NOL4: variants seen among roughly 807,000 people sequenced by gnomAD.
NOL4 encodes cancer/testis antigen 125.
NOL4 carries 17 observed loss-of-function variants against 75.9 expected under a neutral mutation model. The ratio of observed to expected loss-of-function variants is 0.22; its 90% confidence interval spans 0.15 to 0.34. The LOEUF is 0.34. Ranked by LOEUF, NOL4 falls within the 10% of genes least tolerant of loss-of-function variation. The pLI is 1.00. For missense variants in NOL4, 614 were observed against 793.5 expected (o/e 0.77, Z 2.72); for synonymous variants, 292 against 289.9 (o/e 1.01, Z -0.07).
chr18:34,009,031 T>C (rs988882683), intron 6 of NOL4, among the ~76,000 whole-genome samples: 2 of 151,934 alleles, frequency 1.3e-5, no homozygotes, highest in Non-Finnish European at 2.9e-5. Flanking sequence ...CCCTCATTCC[T>C]CATGGATCTT....
intron 9 of NOL4, among the ~76,000 whole-genome samples, chr18:33,894,329 A>G (rs2065272635): frequency 1.3e-5 from 2 of 152,150 alleles, no homozygotes; most frequent in Admixed American, 1.3e-4. Context: ...AACAAAACAC[A>G]CTCAGATACA....
At chr18:34,029,469 C>T (rs2075523406) in intron 5 of NOL4, among the ~76,000 whole-genome samples, 1 of 152,144 alleles carries the variant, frequency 6.6e-6, no homozygotes, top group South Asian at 2.1e-4. Context: ...GCCCAGGTTA[C>T]CTAATGTCAC....
chr18:33,993,096 G>A (rs1361765658), intron 6 of NOL4, among the ~76,000 whole-genome samples: 1 of 151,890 alleles, frequency 6.6e-6, no homozygotes, highest in Non-Finnish European at 1.5e-5. Flanking sequence ...ACAATTAGGA[G>A]GTGCCTTCCT....
At chr18:34,011,765 G>T (rs572155112) in intron 6 of NOL4, among the ~76,000 whole-genome samples, 1 of 151,618 alleles carries the variant, frequency 6.6e-6, no homozygotes, top group Non-Finnish European at 1.5e-5. Context: ...GGATAATGAC[G>T]GGTCAATTTT....
chr18:33,980,123 T>G (rs115824010), intron 6 of NOL4, among the ~76,000 whole-genome samples: 2,367 of 151,926 alleles, frequency 0.016, 64 homozygotes, highest in African/African-American at 0.054. Context: ...AGGTTCTAGG[T>G]CAGATTGCTA....
At chr18:33,953,696 T>A (rs953518207) in intron 8 of NOL4, among the ~76,000 whole-genome samples, 5 of 152,002 alleles carry the variant, frequency 3.3e-5, no homozygotes, top group Admixed American at 3.3e-4. Context: ...GTGGAGAAAA[T>A]AGGTGCTGGA....
Position 33,873,840 on chromosome 18 carries a change from A to G in NOL4, c.1723+9404T>C, listed in dbSNP as rs141207220. ...TAATGGACAGGTAAAATAATAAGAA[A>G]TACGCTTAGAATATCATGGGAACAT... On this transcript the variant is annotated intron_variant, in intron 10 of 10. Coordinates refer to ENST00000261592, the MANE Select transcript of NOL4 (RefSeq NM_003787.5). 4.8e-3 allele frequency among the ~76,000 whole-genome samples: 723 copies of G among 152,090 alleles called. 8 individuals carry two copies. Among genetic ancestry groups the G allele is most frequent in the African/African-American group, 0.017 (691 of 41,538 alleles).
intron 1 of NOL4, among the ~76,000 whole-genome samples, chr18:34,170,856 A>G (rs1239790575): frequency 6.6e-6 from 1 of 152,182 alleles, no homozygotes; most frequent in African/African-American, 2.4e-5. Context: ...AATTTCCCCT[A>G]TAATAGACCA....
intron 9 of NOL4, among the ~76,000 whole-genome samples, chr18:33,901,287 C>G (rs2065735836): frequency 6.6e-6 from 1 of 152,054 alleles, no homozygotes; most frequent in African/African-American, 2.4e-5. Context: ...ATGAAAACAG[C>G]TGAATCATCT....
chr18:33,933,645 A>G (rs1229926164), intron 9 of NOL4, among the ~76,000 whole-genome samples: 1 of 152,174 alleles, frequency 6.6e-6, no homozygotes, highest in Non-Finnish European at 1.5e-5. Context: ...ACGCTCAGCT[A>G]TAAAAAGCAA....
intron 5 of NOL4, among the ~76,000 whole-genome samples, chr18:34,078,368 T>C (rs1178005002): frequency 6.6e-6 from 1 of 152,172 alleles, no homozygotes. Context: ...TCACCTTTAT[T>C]AGTAAAGACA....
intron 6 of NOL4, among the ~76,000 whole-genome samples, chr18:34,013,754 A>C (rs1481886009): frequency 6.6e-6 from 1 of 151,968 alleles, no homozygotes; most frequent in African/African-American, 2.4e-5. Flanking sequence ...TAATACACTC[A>C]TTTATATGTC....
intron 9 of NOL4, among the ~76,000 whole-genome samples, chr18:33,891,265 C>T (rs923404937): frequency 4.6e-5 from 7 of 152,018 alleles, no homozygotes; most frequent in Non-Finnish European, 1.0e-4. Flanking sequence ...TGTAAGGCTT[C>T]TGGGGGAAAT....
At chr18:33,962,457 T>C (rs2070223403) in intron 6 of NOL4, among the ~76,000 whole-genome samples, 1 of 152,190 alleles carries the variant, frequency 6.6e-6, no homozygotes, top group African/African-American at 2.4e-5. Flanking sequence ...ATAACCTTTA[T>C]GAAGGGAAAA....
chr18:34,187,174 C>A (rs2034525596), intron 1 of NOL4, among the ~76,000 whole-genome samples: 1 of 152,110 alleles, frequency 6.6e-6, no homozygotes, highest in Non-Finnish European at 1.5e-5. Flanking sequence ...TTCCCTTGTG[C>A]TCTGCCTATT....
intron 1 of NOL4, among the ~76,000 whole-genome samples, chr18:34,203,715 TCTCACACACACA>T (rs1440824981): frequency 1.7e-5 from 1 of 59,602 alleles, no homozygotes; most frequent in East Asian, 5.8e-4. Context: ...TCTCTCTCTC[TCTCACACACACA>T]CACACACACA....
intron 5 of NOL4, among the ~76,000 whole-genome samples, chr18:34,059,063 T>C (rs2145094930): frequency 6.7e-6 from 1 of 148,902 alleles, no homozygotes; most frequent in African/African-American, 2.5e-5. Context: ...ATTCAAACCC[T>C]TTATCATGAC....
chr18:33,869,931 T>C (rs906963505), intron 10 of NOL4, among the ~76,000 whole-genome samples: 4 of 152,112 alleles, frequency 2.6e-5, no homozygotes, highest in Non-Finnish European at 4.4e-5. Context: ...ATTTCTTGTA[T>C]ATGAAGAAAG....
At chr18:33,982,543 G>C (rs2072049819) in intron 6 of NOL4, among the ~76,000 whole-genome samples, 1 of 152,102 alleles carries the variant, frequency 6.6e-6, no homozygotes, top group Middle Eastern at 3.4e-3. Flanking sequence ...CCTAACAACA[G>C]AGCATCAAAA....
Sources: gnomAD v4.1 joint callset for allele counts (sites outside exome capture counted in the v4.1 genomes callset) on GRCh38, gnomAD v4.1.1 for gene constraint, MANE v1.5 for transcripts, NCBI Gene and HGNC (gene_info 2026-07-23, HGNC 2026-07-21) for gene names.